The following TNFRSF10B variants were observed in gnomAD, a reference collection of about 807,000 sequenced individuals.
TNFRSF10B encodes TNF receptor superfamily member 10b.
TNFRSF10B carries 35 observed loss-of-function variants against 41.4 expected under a neutral mutation model. The ratio of observed to expected loss-of-function variants is 0.85; its 90% CI spans 0.65 to 1.12. The LOEUF (loss-of-function observed/expected upper bound fraction) is 1.12. Among genes scored for constraint, TNFRSF10B ranks in the 50% most tolerant of loss-of-function variants. TNFRSF10B has a pLI of 0.00. For synonymous variants in TNFRSF10B, 230 were observed against 215.5 expected, an observed-to-expected ratio of 1.07 and a Z score of -0.59; for missense variants, 584 against 552.7, an observed-to-expected ratio of 1.06 and a Z score of -0.57.
intron 5 of TNFRSF10B, 171 bp downstream of exon 5, chr8:23,028,160 T>C: frequency 1.2e-6 from 1 of 841,156 alleles, no homozygotes; most frequent in Non-Finnish European, 1.9e-6. Flanking sequence ...GAGACCAGGG[T>C]CCTGGGGGGT....
At chr8:23,048,173 C>T (rs946727065) in intron 1 of TNFRSF10B, among the ~76,000 whole-genome samples, 7 of 151,492 alleles carry the variant, frequency 4.6e-5, no homozygotes, top group African/African-American at 1.5e-4. Flanking sequence ...GTGGCTCATG[C>T]CTGAATCCCA....
chr8:23,024,416 A>G (rs1339933623), intron 7 of TNFRSF10B, among the ~76,000 whole-genome samples, 156 bp from the exon 8 acceptor site: 1 of 151,694 alleles, frequency 6.6e-6, no homozygotes, highest in Non-Finnish European at 1.5e-5. Flanking sequence ...AAGGGGCAAG[A>G]CTCTCGGAAG....
rs750745745 is a variant in TNFRSF10B at position 23,022,926 on chromosome 8, C to T, written c.1068G>A (p.Pro356=). Residue 356 remains proline (P), a synonymous_variant, in exon 9 of 9, where the codon CCG becomes CCA. Coordinates refer to ENST00000276431, the MANE Select transcript of TNFRSF10B (RefSeq NM_003842.5). ...ADLVPFDSWE[P]LMRKLGLMDN... The stretch of plus-strand genomic sequence containing the variant: ...CCATGAGGCCCAACTTCCTCATGAG[C>T]GGCTCCCAGGAGTCAAAGGGCACCA... 9 of 1,613,944 alleles carry T rather than the reference C, an allele frequency of 5.6e-6. No homozygotes were observed. Among genetic ancestry groups the T allele is most frequent in the South Asian group, 4.4e-5 (4 of 91,078 alleles).
rs752017579 is a variant in TNFRSF10B, at chr8:23,021,485, G to T, written c.*1186C>A. 6 of 454,012 alleles carry T rather than the reference G, an allele frequency of 1.3e-5. No individual in the cohort carries two copies. The highest frequency in any genetic ancestry group is 4.0e-5 in the African/African-American group (2 of 50,008). The allele number at this position is 454,012 out of a possible 1,614,324, so 28.1% of individuals were successfully genotyped here. A position where few individuals can be genotyped will look rare whatever the true frequency, so the allele number is the denominator to read the frequency against. On this transcript the variant is annotated 3_prime_UTR_variant, in exon 9 of 9. Transcript: ENST00000276431. ...ATGGCAGACGTGGGAGACAGATTTT[G>T]TCTTCTATCTCCTGAGCCCAAACAG...
intron 1 of TNFRSF10B, among the ~76,000 whole-genome samples, chr8:23,067,920 T>C (rs146979953): frequency 6.6e-6 from 1 of 152,196 alleles, no homozygotes; most frequent in Non-Finnish European, 1.5e-5. Context: ...GAACCTCTCC[T>C]GGCCCCAAGC....
intron 1 of TNFRSF10B, among the ~76,000 whole-genome samples, chr8:23,059,775 G>T (rs1299192917): frequency 2.0e-5 from 3 of 152,186 alleles, no homozygotes; most frequent in African/African-American, 4.8e-5. Context: ...GCCTCCCAAA[G>T]TGTGGGGATT....
rs1190194565 is a variant in TNFRSF10B, at chr8:23,022,182, C to T, written c.*489G>A. On this transcript the variant is annotated 3_prime_UTR_variant, in exon 9 of 9. Transcript: ENST00000276431. ...GGCTGAGGTGGGAGAATCGCTTGAG[C>T]CTGAGAGGTCAAGGCTATAGTGAGC... 4.4e-6 allele frequency: 2 copies of T among 450,268 alleles called. No individual in the cohort carries two copies. Among genetic ancestry groups the T allele is most frequent in the Admixed American group, 2.4e-5 (1 of 42,420 alleles). 27.9% of individuals were successfully genotyped at this position (450,268 alleles called of 1,614,324 possible). A position where few individuals can be genotyped will look rare whatever the true frequency, so the allele number is the denominator to read the frequency against.
intron 2 of TNFRSF10B, among the ~76,000 whole-genome samples, chr8:23,036,782 G>A (rs907230034): frequency 6.6e-6 from 1 of 152,230 alleles, no homozygotes; most frequent in Non-Finnish European, 1.5e-5. Flanking sequence ...GGCAGAGGTT[G>A]TAGTGAGCCG....
chr8:23,040,616 AAAAC>A (rs138630662), intron 2 of TNFRSF10B, among the ~76,000 whole-genome samples: 3,491 of 151,596 alleles, frequency 0.023, 133 homozygotes, highest in African/African-American at 0.08. Context: ...AGACATAAAG[AAAAC>A]AAATAACTGA....
chr8:23,035,143 A>T (rs1045774266), intron 2 of TNFRSF10B, among the ~76,000 whole-genome samples: 9 of 143,140 alleles, frequency 6.3e-5, no homozygotes, highest in South Asian at 2.2e-4. Flanking sequence ...GTTTGCAGGT[A>T]TTTTTTTTTT....
chr8:23,033,517 G>A (rs1161172283), intron 2 of TNFRSF10B, among the ~76,000 whole-genome samples: 1 of 139,800 alleles, frequency 7.2e-6, no homozygotes, highest in Non-Finnish European at 1.5e-5. Flanking sequence ...AAACCCAGGG[G>A]CCGGAGCCTG....
In TNFRSF10B at chr8:23,068,641, C is replaced by T. The variant is rs1003780936; in HGVS notation, c.144+110G>A. The T allele has an allele frequency of 1.1e-5, 16 of 1,468,918 alleles. No individual in the cohort carries two copies. In the African/African-American group the frequency reaches 2.1e-4, roughly 19 times the overall value. The allele number at this position is 1,468,918 out of a possible 1,614,324, so 91.0% of individuals were successfully genotyped here. ...CTGGTGCGTCTTGCCCGGACATGCC[C>T]GGCCGCAGGCGACCCGGGCCACGCA... On this transcript the variant is annotated intron_variant, in intron 1 of 8. Transcript: ENST00000276431.
Position 23,020,291 on chromosome 8 carries a change from A to G in TNFRSF10B, c.*2380T>C, listed in dbSNP as rs1585201495. On this transcript the variant is annotated 3_prime_UTR_variant, in exon 9 of 9. Coordinates refer to ENST00000276431, the MANE Select transcript of TNFRSF10B (RefSeq NM_003842.5). ...GGACACCAACCACGAGTGACACACT[A>G]TACTATGGCTGTCCTGTGTCACATG... The G allele has an allele frequency of 2.2e-6, 1 of 454,030 alleles. No individual in the cohort carries two copies. Among genetic ancestry groups the G allele is most frequent in the Admixed American group, 2.4e-5 (1 of 42,544 alleles). The allele number at this position is 454,030 out of a possible 1,614,324, so 28.1% of individuals were successfully genotyped here.
chr8:23,028,698 G>C, intron 4 of TNFRSF10B, 96 bp from the exon 5 acceptor site: 1 of 1,471,296 alleles, frequency 6.8e-7, no homozygotes, highest in East Asian at 2.3e-5. Flanking sequence ...GTGTCCCTGA[G>C]AAGGTGTCAG....
intron 7 of TNFRSF10B, among the ~76,000 whole-genome samples, chr8:23,025,912 CAA>C (rs1172176212): frequency 1.3e-5 from 2 of 152,088 alleles, no homozygotes; most frequent in African/African-American, 2.4e-5. Context: ...CTCGTCTCTA[CAA>C]AAAATACAAA....
At chr8:23,028,701 G>A (rs1811787358) in intron 4 of TNFRSF10B, 99 bp from the exon 5 acceptor site, 2 of 1,451,572 alleles carry the variant, frequency 1.4e-6, no homozygotes, top group African/African-American at 2.8e-5. Context: ...TCCCTGAGAA[G>A]GTGTCAGGGG....
chr8:23,062,234 T>C (rs1812851853), intron 1 of TNFRSF10B, among the ~76,000 whole-genome samples: 1 of 152,160 alleles, frequency 6.6e-6, no homozygotes, highest in African/African-American at 2.4e-5. Flanking sequence ...TTTCTTTCTT[T>C]CTTTGAGACA....
At chr8:23,042,610 C>G (rs1327630341) in intron 2 of TNFRSF10B, among the ~76,000 whole-genome samples, 1 of 152,164 alleles carries the variant, frequency 6.6e-6, no homozygotes, top group Non-Finnish European at 1.5e-5. Context: ...GATGTACATC[C>G]GATGCTGGTG....
At chr8:23,044,690 T>G (rs1016033168) in intron 1 of TNFRSF10B, among the ~76,000 whole-genome samples, 1 of 151,344 alleles carries the variant, frequency 6.6e-6, no homozygotes, top group Non-Finnish European at 1.5e-5. Context: ...AAGAAAGATC[T>G]CAAATACAAG....
Sources: allele counts gnomAD v4.1 joint callset (sites outside exome capture counted in the v4.1 genomes callset), GRCh38; gene constraint gnomAD v4.1.1; transcripts MANE v1.5; gene names NCBI Gene and HGNC (gene_info 2026-07-23, HGNC 2026-07-21).